EBF1: variants seen among roughly 807,000 people sequenced by gnomAD.
The protein encoded by EBF1 is transcription factor COE1.
A neutral mutation model predicts 68.4 loss-of-function variants in EBF1; 10 were observed. The ratio of observed to expected loss-of-function variants is 0.15; its 90% CI spans 0.09 to 0.25. The LOEUF is 0.25. Ranked by LOEUF, EBF1 falls within the 10% of genes least tolerant of loss-of-function variation. The probability of loss-of-function intolerance (pLI) is 1.00; values close to 1 mark genes in which losing one functional copy is unlikely to be tolerated. For missense variants in EBF1, 509 were observed against 794.4 expected, an observed-to-expected ratio of 0.64 and a Z score of 4.32; for synonymous variants, 298 against 299.8, an observed-to-expected ratio of 0.99 and a Z score of 0.06.
At chr5:158,957,653 C>A (rs1252592051) in intron 6 of EBF1, among the ~76,000 whole-genome samples, 2 of 152,220 alleles carry the variant, frequency 1.3e-5, no homozygotes, top group African/African-American at 4.8e-5. Flanking sequence ...TGGCATGTGC[C>A]TCTTCTTTTT....
chr5:159,077,723 T>A (rs1169467928), intron 5 of EBF1, among the ~76,000 whole-genome samples: 3 of 151,610 alleles, frequency 2.0e-5, no homozygotes, highest in Middle Eastern at 6.4e-3. Context: ...GCATTTTATT[T>A]TTATATTTTT....
intron 6 of EBF1, among the ~76,000 whole-genome samples, chr5:158,892,089 CACACAT>C (rs768784533): frequency 1.6e-4 from 24 of 152,112 alleles, no homozygotes; most frequent in Non-Finnish European, 3.2e-4. Flanking sequence ...TGCACACACA[CACACAT>C]ACACATACAC....
intron 6 of EBF1, among the ~76,000 whole-genome samples, chr5:158,969,618 A>G (rs1754943626): frequency 1.4e-5 from 2 of 147,834 alleles, no homozygotes; most frequent in African/African-American, 5.0e-5. Flanking sequence ...AAAAAAAAAA[A>G]GCAAAAATTA....
At chr5:158,913,023 G>T (rs2127371995) in intron 6 of EBF1, among the ~76,000 whole-genome samples, 1 of 152,230 alleles carries the variant, frequency 6.6e-6, no homozygotes, top group South Asian at 2.1e-4. Context: ...ATTCAAGAGG[G>T]CCTTTTTCTG....
chr5:158,804,089 T>A (rs1781130826), intron 8 of EBF1, among the ~76,000 whole-genome samples: 1 of 149,886 alleles, frequency 6.7e-6, no homozygotes, highest in African/African-American at 2.5e-5. Flanking sequence ...GAATTTCAAG[T>A]GATTTTCATC....
intron 6 of EBF1, among the ~76,000 whole-genome samples, chr5:158,977,153 T>C (rs567149785): frequency 6.6e-6 from 1 of 152,188 alleles, no homozygotes; most frequent in Non-Finnish European, 1.5e-5. Context: ...GAGGCAGAGC[T>C]GAGTAGATGC....
At chr5:159,054,112 A>C (rs184804392) in intron 6 of EBF1, among the ~76,000 whole-genome samples, 18 of 152,368 alleles carry the variant, frequency 1.2e-4, no homozygotes, top group African/African-American at 3.4e-4. Flanking sequence ...ATTTCTTTTA[A>C]TAGTTAGTCT....
chr5:158,774,112 G>A (rs1306502116), intron 10 of EBF1, among the ~76,000 whole-genome samples: 2 of 152,260 alleles, frequency 1.3e-5, no homozygotes, highest in East Asian at 1.9e-4. Context: ...AATCCAGTCA[G>A]GATTCACTTT....
At chr5:158,830,929 A>T (rs1305079910) in intron 7 of EBF1, among the ~76,000 whole-genome samples, 1 of 152,202 alleles carries the variant, frequency 6.6e-6, no homozygotes, top group Non-Finnish European at 1.5e-5. Context: ...AGGCAAAACC[A>T]GCTCTTAACA....
intron 6 of EBF1, among the ~76,000 whole-genome samples, chr5:158,932,970 A>G (rs1583274664): frequency 1.3e-5 from 2 of 152,318 alleles, no homozygotes; most frequent in African/African-American, 4.8e-5. Context: ...TACTCACTTT[A>G]CAGAGTGATA....
intron 6 of EBF1, among the ~76,000 whole-genome samples, chr5:158,952,674 AAGGGAAC>A (rs1816261293): frequency 6.6e-6 from 1 of 152,226 alleles, no homozygotes; most frequent in Non-Finnish European, 1.5e-5. Context: ...GCATTATTTG[AAGGGAAC>A]AGCAATATTA....
chr5:158,741,516 A>G (rs1330977063), intron 10 of EBF1, among the ~76,000 whole-genome samples: 1 of 151,666 alleles, frequency 6.6e-6, no homozygotes, highest in South Asian at 2.1e-4. Context: ...TCCAAGCCAC[A>G]GTGAGCCATG....
intron 10 of EBF1, among the ~76,000 whole-genome samples, chr5:158,774,147 C>T (rs962781797): frequency 6.6e-6 from 1 of 152,100 alleles, no homozygotes; most frequent in Non-Finnish European, 1.5e-5. Context: ...TCTGATTGGA[C>T]AAACACAAGG....
intron 9 of EBF1, among the ~76,000 whole-genome samples, chr5:158,784,702 A>G (rs1486565563): frequency 6.6e-6 from 1 of 152,162 alleles, no homozygotes; most frequent in African/African-American, 2.4e-5. Context: ...AAGTAAAGAA[A>G]AAAAGTCCAA....
intron 10 of EBF1, among the ~76,000 whole-genome samples, chr5:158,759,783 C>G (rs1160768367): frequency 2.0e-5 from 3 of 152,078 alleles, no homozygotes; most frequent in Admixed American, 1.3e-4. Flanking sequence ...GTATTGCCTG[C>G]CTTCTTTCAC....
At chr5:158,755,718 G>T (rs1196306000) in intron 10 of EBF1, among the ~76,000 whole-genome samples, 1 of 152,100 alleles carries the variant, frequency 6.6e-6, no homozygotes, top group African/African-American at 2.4e-5. Context: ...AGGCCTGCAA[G>T]GGCCTTGGTA....
At chr5:159,072,057 T>G (rs1244149441) in intron 6 of EBF1, among the ~76,000 whole-genome samples, 1 of 152,248 alleles carries the variant, frequency 6.6e-6, no homozygotes, top group Non-Finnish European at 1.5e-5. Flanking sequence ...TATCTGCTTT[T>G]GTAGATAAAC....
rs182213932 is a variant in EBF1 at position 158,944,367 on chromosome 5, C to A, written c.555-104257G>T. Among the ~76,000 whole-genome samples, 334 of 152,284 alleles carry A rather than the reference C, an allele frequency of 2.2e-3. 3 individuals are homozygous for A. The highest frequency in any genetic ancestry group is 7.7e-3 in the African/African-American group (321 of 41,546). The stretch of plus-strand genomic sequence containing the variant: ...GTTTGCTGAGAATGATGGTTTCCAG[C>A]TTTATCCATATCCCTGCAAAGGACA... On this transcript the variant is annotated intron_variant, in intron 6 of 15. Coordinates refer to ENST00000313708, the MANE Select transcript of EBF1 (RefSeq NM_024007.5).
At chr5:158,854,385 C>G (rs369666036) in intron 6 of EBF1, among the ~76,000 whole-genome samples, 1 of 152,318 alleles carries the variant, frequency 6.6e-6, no homozygotes, top group Admixed American at 6.5e-5. Flanking sequence ...ACTTGAAATT[C>G]AGATGTAGTC....
Sources: allele counts gnomAD v4.1 joint callset (sites outside exome capture counted in the v4.1 genomes callset), GRCh38; gene constraint gnomAD v4.1.1; transcripts MANE v1.5; gene names NCBI Gene and HGNC (gene_info 2026-07-23, HGNC 2026-07-21).